Variants in MPP7 observed in about 807,000 individuals in gnomAD.
MPP7 encodes the protein MAGUK p55 scaffold protein 7, also known as MAGUK p55 subfamily member 7.
In MPP7, 60 loss-of-function variants were observed where a neutral mutation model predicts 76.5. That is an observed-to-expected ratio of 0.78 (90% CI 0.64 to 0.97). The LOEUF (loss-of-function observed/expected upper bound fraction) is 0.97, where lower values mean the gene tolerates loss of function less well. MPP7 is among the 50% of genes least tolerant of loss of function. MPP7 has a pLI of 0.00. For missense variants in MPP7, 641 were observed against 694.0 expected (o/e 0.92, Z 0.86); for synonymous variants, 237 against 244.5 (o/e 0.97, Z 0.29).
chr10:28,200,265 G>A (rs1386030618), intron 3 of MPP7, among the ~76,000 whole-genome samples: 4 of 152,162 alleles, frequency 2.6e-5, no homozygotes, highest in Non-Finnish European at 2.9e-5. Context: ...CACACTTGAG[G>A]TCTGTGTCTG....
chr10:28,291,964 C>T (rs912166994), intron 1 of MPP7, among the ~76,000 whole-genome samples: 4 of 152,194 alleles, frequency 2.6e-5, no homozygotes, highest in Admixed American at 2.0e-4. Context: ...TCACTCACCA[C>T]CCACTCACTG....
intron 5 of MPP7, among the ~76,000 whole-genome samples, chr10:28,136,078 G>A (rs765644542): frequency 4.6e-5 from 7 of 151,910 alleles, no homozygotes. Flanking sequence ...GAGTATGCGA[G>A]GATCTAGGTT....
chr10:28,114,426 C>CT (rs372713562), intron 11 of MPP7, among the ~76,000 whole-genome samples: 6,713 of 144,622 alleles, frequency 0.046, 230 homozygotes, highest in East Asian at 0.11. Context: ...AAAGGAAAAC[C>CT]TTTTTTTTTT....
intron 3 of MPP7, among the ~76,000 whole-genome samples, chr10:28,151,629 T>C (rs1464157166): frequency 6.6e-6 from 1 of 152,182 alleles, no homozygotes; most frequent in Non-Finnish European, 1.5e-5. Flanking sequence ...ACTAGTAACA[T>C]AGTCTTTAAT....
chr10:28,321,718 G>A (rs1834370396), intron 2 of MPP7, among the ~76,000 whole-genome samples: 1 of 152,042 alleles, frequency 6.6e-6, no homozygotes, highest in Non-Finnish European at 1.5e-5. Context: ...CTGAGTAGCT[G>A]GGACTACAAG....
chr10:28,138,636 T>C (rs1485390606), intron 5 of MPP7, among the ~76,000 whole-genome samples: 2 of 152,220 alleles, frequency 1.3e-5, no homozygotes, highest in Non-Finnish European at 2.9e-5. Flanking sequence ...TGACAAGTCA[T>C]TTCCTAACTA....
intron 1 of MPP7, among the ~76,000 whole-genome samples, chr10:28,288,826 A>G (rs976876730): frequency 2.6e-5 from 4 of 152,146 alleles, no homozygotes; most frequent in Admixed American, 2.0e-4. Flanking sequence ...GCAGAGCCCA[A>G]TGTCTGGCCT....
chr10:28,251,637 A>G (rs995659825), intron 1 of MPP7, among the ~76,000 whole-genome samples: 2 of 152,232 alleles, frequency 1.3e-5, no homozygotes, highest in Non-Finnish European at 2.9e-5. Flanking sequence ...TAAAGAAAGT[A>G]TCTTCATTGC....
At chr10:28,144,686 G>A (rs552194734) in intron 5 of MPP7, among the ~76,000 whole-genome samples, 6 of 152,150 alleles carry the variant, frequency 3.9e-5, no homozygotes, top group South Asian at 2.1e-4. Context: ...AAACTGCAAC[G>A]TAAGGTCTCA....
chr10:28,080,064 G>A (rs11006845), intron 12 of MPP7, among the ~76,000 whole-genome samples: 1,832 of 146,062 alleles, frequency 0.013, 48 homozygotes, highest in African/African-American at 0.044. Context: ...AGATTGGGAG[G>A]GGGAGGGGGA....
At chr10:28,200,203 G>A (rs920211252) in intron 3 of MPP7, among the ~76,000 whole-genome samples, 4 of 152,154 alleles carry the variant, frequency 2.6e-5, no homozygotes, top group African/African-American at 9.7e-5. Flanking sequence ...CCTCCTGAAA[G>A]TATTGCAGAC....
chr10:28,067,662 T>C (rs1322034673), intron 13 of MPP7, among the ~76,000 whole-genome samples: 20 of 152,188 alleles, frequency 1.3e-4, no homozygotes, highest in Admixed American at 1.3e-3. Context: ...GCTGGGTAAA[T>C]TGAGGCTAAA....
chr10:28,302,766 C>T (rs1172283418), intron 1 of MPP7, among the ~76,000 whole-genome samples, 95 bp downstream of exon 1: 4 of 152,082 alleles, frequency 2.6e-5, no homozygotes, highest in Admixed American at 1.3e-4. Flanking sequence ...CCGCTCGGCC[C>T]GGTCGCCGGC....
chr10:28,107,187 G>A (rs537264911), intron 11 of MPP7, among the ~76,000 whole-genome samples: 26 of 152,010 alleles, frequency 1.7e-4, no homozygotes, highest in African/African-American at 5.3e-4. Context: ...TGCTCTTTCC[G>A]TGCTATTTTC....
At chr10:28,060,265 A>T (rs1851726376) in intron 13 of MPP7, among the ~76,000 whole-genome samples, 1 of 152,188 alleles carries the variant, frequency 6.6e-6, no homozygotes, top group Non-Finnish European at 1.5e-5. Context: ...TTGCAAAGTC[A>T]TAAATAGCAT....
chr10:28,212,490 T>C (rs923324386), intron 2 of MPP7, among the ~76,000 whole-genome samples: 1 of 152,120 alleles, frequency 6.6e-6, no homozygotes, highest in African/African-American at 2.4e-5. Flanking sequence ...CAGTGGGCAG[T>C]TGAATATGGG....
At chr10:28,213,809 A>AG (rs1232136364) in intron 2 of MPP7, among the ~76,000 whole-genome samples, 23 of 136,510 alleles carry the variant, frequency 1.7e-4, no homozygotes, top group East Asian at 4.1e-4. Context: ...AAAAAAAAAA[A>AG]AGAGAGAGAG....
At chr10:28,100,611 A>C (rs890335994) in intron 11 of MPP7, among the ~76,000 whole-genome samples, 2 of 152,180 alleles carry the variant, frequency 1.3e-5, no homozygotes, top group Non-Finnish European at 2.9e-5. Context: ...GCTTTCAAAC[A>C]TACTATTAGA....
intron 3 of MPP7, among the ~76,000 whole-genome samples, chr10:28,199,466 T>C (rs1175729774): frequency 6.6e-6 from 1 of 152,188 alleles, no homozygotes; most frequent in Non-Finnish European, 1.5e-5. Flanking sequence ...CCAGCCTACA[T>C]ATACTTGCAC....
Sources: gnomAD v4.1 joint callset for allele counts (sites outside exome capture counted in the v4.1 genomes callset) on GRCh38, gnomAD v4.1.1 for gene constraint, MANE v1.5 for transcripts, NCBI Gene and HGNC (gene_info 2026-07-23, HGNC 2026-07-21) for gene names.